Variants in ADAMTS13 observed in about 807,000 individuals in gnomAD.
ADAMTS13 encodes the protein A disintegrin and metalloproteinase with thrombospondin motifs 13.
Under a neutral mutation model 155.1 loss-of-function variants are expected in ADAMTS13, and 110 were observed. The observed-to-expected ratio is 0.71, with a 90% CI of 0.61 to 0.83. The LOEUF (loss-of-function observed/expected upper bound fraction) is 0.83, where lower values mean the gene tolerates loss of function less well. Among genes scored for constraint, ADAMTS13 ranks in the 40% least tolerant of loss-of-function variants. The pLI, the probability that ADAMTS13 is intolerant of heterozygous loss-of-function variation, is 0.00. For synonymous variants in ADAMTS13, 758 were observed against 756.4 expected (o/e 1.00, Z -0.03); for missense variants, 1,707 against 1,891.7 (o/e 0.90, Z 1.81).
chr9:133,436,757 A>G (rs1257107537), intron 11 of ADAMTS13, 72 bp from the exon 12 acceptor site: 1 of 1,002,860 alleles, frequency 1.0e-6, no homozygotes, highest in Admixed American at 2.2e-5. Flanking sequence ...GTAGGGTGCC[A>G]TGTAGTCTCC....
At chr9:133,439,123 C>T (rs920099061) in intron 14 of ADAMTS13, among the ~76,000 whole-genome samples, 10 of 152,168 alleles carry the variant, frequency 6.6e-5, no homozygotes, top group Admixed American at 3.3e-4. Context: ...GCCCTGCCTC[C>T]CTCTGGCTTG....
Position 133,440,756 on chromosome 9 carries a change from A to G in ADAMTS13, c.1968+231A>G, listed in dbSNP as rs1554790535. 6.6e-6 allele frequency among the ~76,000 whole-genome samples: 1 copy of G among 152,148 alleles called. No homozygotes were observed. The highest frequency in any genetic ancestry group is 6.5e-5 in the Admixed American group (1 of 15,276). On this transcript the variant is annotated intron_variant, in intron 16 of 28. Coordinates refer to ENST00000355699, the MANE Select transcript of ADAMTS13 (RefSeq NM_139027.6). This position sits in a 1 kb window ranked among gnomAD's most constrained non-coding sequence, Gnocchi z 4.3. Reference sequence around the variant, plus strand: ...TGTGCCTGTGCCCAGAGCCCGTGGGAGAAGGCCCTGCAGTTCTGGGATCAG... The same window carrying G: ...TGTGCCTGTGCCCAGAGCCCGTGGGGGAAGGCCCTGCAGTTCTGGGATCAG...
In ADAMTS13 at chr9:133,424,515, G is replaced by A. The variant is rs782744028; in HGVS notation, c.330+37G>A. The A allele has an allele frequency of 3.1e-6, 5 of 1,589,576 alleles. No homozygotes were observed. The African/African-American group carries it at 6.7e-5, about 21-fold the overall frequency. On this transcript the variant is annotated intron_variant, in intron 3 of 28. Coordinates refer to ENST00000355699, the MANE Select transcript of ADAMTS13 (RefSeq NM_139027.6). This position sits in a 1 kb window ranked among gnomAD's most constrained non-coding sequence, Gnocchi z 4.3. ...ACGCTGGACTGTGCAGGTCCCCACGGCCAGGGCTGGTGACCAATGTCTGTG... is the reference window on the plus strand; with the variant it reads ...ACGCTGGACTGTGCAGGTCCCCACGACCAGGGCTGGTGACCAATGTCTGTG...
chr9:133,436,758 T>G, intron 11 of ADAMTS13, 71 bp from the exon 12 acceptor site: 1 of 1,228,542 alleles, frequency 8.1e-7, no homozygotes, highest in Non-Finnish European at 1.1e-6. Context: ...TAGGGTGCCA[T>G]GTAGTCTCCC....
chr9:133,445,641 G>A lies in ADAMTS13; in HGVS notation c.2611-58G>A. 4 of 1,611,464 alleles carry A rather than the reference G, an allele frequency of 2.5e-6. No individual in the cohort carries two copies. Among genetic ancestry groups the A allele is most frequent in the Non-Finnish European group, 2.5e-6 (3 of 1,179,630 alleles). On this transcript the variant is annotated intron_variant, in intron 20 of 28. Coordinates refer to ENST00000355699, the MANE Select transcript of ADAMTS13 (RefSeq NM_139027.6). This position sits in a 1 kb window ranked among gnomAD's most constrained non-coding sequence, Gnocchi z 5.0. ...CTGCTGCCTGAGAAGATCGAGACGG[G>A]GATCGCTGGGTCCTCAGAGGAGGCC...
Position 133,426,206 on chromosome 9 carries a change from C to T in ADAMTS13, c.547C>T (p.Leu183=). The T allele has an allele frequency of 6.2e-7, 1 of 1,613,952 alleles. No homozygotes were observed. The highest frequency in any genetic ancestry group is 8.5e-7 in the Non-Finnish European group (1 of 1,180,006). Residue 183 remains leucine, a synonymous_variant, in exon 6 of 29, where the codon CTG becomes TTG. Transcript: ENST00000355699. ...DLVLYITRFD[L]ELPDGNRQVR... The stretch of plus-strand genomic sequence containing the variant: ...CTGTTTTCTCTCACCGAGGTTTGAC[C>T]TGGAGTTGCCTGATGGTAACCGGCA...
Position 133,456,105 on chromosome 9 carries a change from C to G in ADAMTS13, c.3437C>G (p.Thr1146Ser). 6.2e-7 allele frequency: 1 copy of G among 1,613,304 alleles called. No individual in the cohort carries two copies. The highest frequency in any genetic ancestry group is 8.5e-7 in the Non-Finnish European group (1 of 1,180,042). ...AGGCAGCACCTTGAGCCAACAGGAA[C>G]CATTGACATGCGAGGCCCAGGGCAG... ...CGRQHLEPTG[T>S]IDMRGPGQAD... Residue 1146 changes from threonine (T) to serine (S), a missense_variant, in exon 26 of 29, where the codon ACC becomes AGC. By Grantham distance (58) the Thr-to-Ser change is moderately conservative (BLOSUM62 1). Coordinates refer to ENST00000355699, the MANE Select transcript of ADAMTS13 (RefSeq NM_139027.6). This position sits in a 1 kb window ranked among gnomAD's most constrained non-coding sequence, Gnocchi z 4.4.
Position 133,428,653 on chromosome 9 carries a change from G to T in ADAMTS13, c.706G>T (p.Gly236Cys), listed in dbSNP as rs781916049. ...GACCAGCTTCGGCCTGGAGCACGAC[G>T]GCGCGCCCGGCAGCGGCTGCGGCCC... Reference protein sequence around the residue: ...IGHSFGLEHDGAPGSGCGPSG... With the variant: ...IGHSFGLEHDCAPGSGCGPSG... The change falls in exon 7 of 29, where the codon GGC becomes TGC. Residue 236 changes from glycine to cysteine, a missense_variant. Transcript: ENST00000355699. The T allele has an allele frequency of 2.3e-6, 3 of 1,332,712 alleles. No homozygotes were observed. Among genetic ancestry groups the T allele is most frequent in the South Asian group, 1.7e-5 (1 of 58,272 alleles). The allele number at this position is 1,332,712 out of a possible 1,614,324, so 82.6% of individuals were successfully genotyped here.
At chr9:133,431,155 G>C (rs140205054) in intron 8 of ADAMTS13, among the ~76,000 whole-genome samples, 1 of 150,800 alleles carries the variant, frequency 6.6e-6, no homozygotes, top group South Asian at 2.1e-4. Flanking sequence ...TGTAGAGATG[G>C]GGTCTCCCTT....
At chr9:133,417,692 G>T, upstream of ADAMTS13, 2 of 1,614,118 alleles carry the variant, frequency 1.2e-6, no homozygotes, top group Non-Finnish European at 1.7e-6. Context: ...CACCGGGGCC[G>T]CTTGCTGGCT....
At chr9:133,454,717 T>A in intron 24 of ADAMTS13, 98 bp downstream of exon 24, 5 of 1,411,638 alleles carry the variant, frequency 3.5e-6, no homozygotes, top group Non-Finnish European at 4.8e-6. Flanking sequence ...TGGCTCATCG[T>A]GTCCCCTGAA....
Position 133,455,571 on chromosome 9 carries a change from T to A in ADAMTS13, c.3400+136T>A, listed in dbSNP as rs782166349. 3.9e-5 allele frequency: 63 copies of A among 1,606,566 alleles called. No homozygotes were observed. In the South Asian group the frequency reaches 6.5e-4, roughly 17 times the overall value. On this transcript the variant is annotated intron_variant, in intron 25 of 28. Transcript: ENST00000355699. ...CCGGCTCCCCAGCCTCGGCGGCTCCTGCCCGGGCCCCAGGAAAACTCAGTG... is the reference window on the plus strand; with the variant it reads ...CCGGCTCCCCAGCCTCGGCGGCTCCAGCCCGGGCCCCAGGAAAACTCAGTG...
intron 1 of ADAMTS13, chr9:133,414,789 T>C (rs1839467517): frequency 1.2e-6 from 2 of 1,614,202 alleles, no homozygotes; most frequent in Non-Finnish European, 1.7e-6. Flanking sequence ...TCTGTTCCAC[T>C]GGCCTTGGTG....
chr9:133,433,105 G>T (rs1840894516), intron 9 of ADAMTS13, among the ~76,000 whole-genome samples: 1 of 143,718 alleles, frequency 7.0e-6, no homozygotes, highest in Admixed American at 7.0e-5. Flanking sequence ...TGTATGTTGG[G>T]GGGTCTCTGG....
chr9:133,456,330 G>C lies in ADAMTS13; in HGVS notation c.3547+115G>C. The C allele has an allele frequency of 2.0e-6, 3 of 1,524,956 alleles. No homozygotes were observed. Among genetic ancestry groups the C allele is most frequent in the Non-Finnish European group, 2.7e-6 (3 of 1,118,476 alleles). The allele number at this position is 1,524,956 out of a possible 1,614,324, so 94.5% of individuals were successfully genotyped here. A position where few individuals can be genotyped will look rare whatever the true frequency, so the allele number is the denominator to read the frequency against. ...CCATGTGCATTCCCACCTGTAGTTT[G>C]CATCCCATCTCATGACTGGGGAGTG... On this transcript the variant is annotated intron_variant, in intron 26 of 28. Coordinates refer to ENST00000355699, the MANE Select transcript of ADAMTS13 (RefSeq NM_139027.6). The surrounding 1 kb of genome is among the most constrained non-coding windows in gnomAD (Gnocchi z 4.4).
chr9:133,451,183 A>T (rs1842414231), intron 23 of ADAMTS13, among the ~76,000 whole-genome samples: 1 of 152,254 alleles, frequency 6.6e-6, no homozygotes, highest in Admixed American at 6.5e-5. Flanking sequence ...AAAAGAATGT[A>T]ACAGACATGT....
At chr9:133,432,071 CTGACCAACA>C (rs1554787633) in intron 8 of ADAMTS13, among the ~76,000 whole-genome samples, 1 of 152,208 alleles carries the variant, frequency 6.6e-6, no homozygotes, top group East Asian at 1.9e-4. Flanking sequence ...TGAGACCAGC[CTGACCAACA>C]TGGAGAAATG....
Position 133,437,861 on chromosome 9 carries a change from C to T in ADAMTS13, c.1548C>T (p.Asp516=), listed in dbSNP as rs587612482. 4.6e-5 allele frequency: 74 copies of T among 1,613,828 alleles called. No homozygotes were observed. In the East Asian group the frequency reaches 6.5e-4, roughly 14 times the overall value. The part of the protein sequence containing the change: ...TRCMPSGPRE[D]GTLSLCVSGS... ...GTATGCCAAGTGGCCCCCGGGAGGACGGGACCCTGAGCCTGTGTGTGTCGG... is the reference window on the plus strand; with the variant it reads ...GTATGCCAAGTGGCCCCCGGGAGGATGGGACCCTGAGCCTGTGTGTGTCGG... The change falls in exon 13 of 29, where the codon GAC becomes GAT. Residue 516 remains aspartate (D), a synonymous_variant. Coordinates refer to ENST00000355699, the MANE Select transcript of ADAMTS13 (RefSeq NM_139027.6).
At chr9:133,432,448 T>G in intron 8 of ADAMTS13, 140 bp from the exon 9 acceptor site, 2 of 753,910 alleles carry the variant, frequency 2.7e-6, no homozygotes, top group South Asian at 3.1e-5. Flanking sequence ...CCTTGTCCTC[T>G]GAGGGCACCA....
Sources: gnomAD v4.1 joint callset for allele counts (sites outside exome capture counted in the v4.1 genomes callset) on GRCh38, gnomAD v4.1.1 for gene constraint, Gnocchi (gnomAD v3.1) non-coding constraint, MANE v1.5 for transcripts, NCBI Gene and HGNC (gene_info 2026-07-23, HGNC 2026-07-21) for gene names.